Variants in INPP5D observed in about 807,000 individuals in gnomAD.
The protein encoded by INPP5D is inositol polyphosphate-5-phosphatase D.
In INPP5D, 33 loss-of-function variants were observed where a neutral mutation model predicts 122.9. The ratio of observed to expected loss-of-function variants is 0.27; its 90% confidence interval spans 0.20 to 0.36. INPP5D has a LOEUF of 0.36. Ranked by LOEUF, INPP5D falls within the 10% of genes least tolerant of loss-of-function variation. The pLI is 1.00. For synonymous variants in INPP5D, 584 were observed against 576.2 expected (o/e 1.01, Z -0.19); for missense variants, 1,053 against 1,412.7 (o/e 0.75, Z 4.08).
At chr2:233,171,638 A>G (rs890523381) in intron 17 of INPP5D, among the ~76,000 whole-genome samples, 5 of 152,226 alleles carry the variant, frequency 3.3e-5, no homozygotes, top group African/African-American at 1.2e-4. Context: ...TTTCCAAGGA[A>G]CAGTGTTTTG....
chr2:233,205,254 G>C (rs1695462303), intron 26 of INPP5D: 1 of 149,638 alleles, frequency 6.7e-6, no homozygotes, highest in African/African-American at 2.5e-5. Context: ...CTGAGGCAGG[G>C]GAATCGCTTG....
At chr2:233,070,742 G>C (rs763936595) in intron 1 of INPP5D, among the ~76,000 whole-genome samples, 15 of 151,898 alleles carry the variant, frequency 9.9e-5, no homozygotes, top group Non-Finnish European at 1.9e-4. Context: ...CGCCCGGCCA[G>C]GATCCAGCAG....
chr2:233,097,256 G>A (rs531103436), intron 2 of INPP5D, among the ~76,000 whole-genome samples: 3 of 152,164 alleles, frequency 2.0e-5, no homozygotes, highest in Admixed American at 1.3e-4. Context: ...TTTCTTGTGT[G>A]TTTCCTTATC....
rs556813229 is a variant in INPP5D at position 233,128,635 on chromosome 2, G to A, written c.525-1873G>A. The stretch of plus-strand genomic sequence containing the variant: ...TGGGACTACAAACGCACGCCACCAC[G>A]CCCAGCTAATTTTTGTATTTTTAGT... On this transcript the variant is annotated intron_variant, in intron 4 of 26. Transcript: ENST00000445964. This position sits in a 1 kb window ranked among gnomAD's most constrained non-coding sequence, Gnocchi z 4.5. 1.3e-5 allele frequency among the ~76,000 whole-genome samples: 2 copies of A among 152,098 alleles called. No homozygotes were observed. The highest frequency in any genetic ancestry group is 2.1e-4 in the South Asian group (1 of 4,814).
At chr2:233,144,016 AGAGTGGTAG>A (rs1693683267) in intron 6 of INPP5D, among the ~76,000 whole-genome samples, 1 of 94,622 alleles carries the variant, frequency 1.1e-5, no homozygotes, top group African/African-American at 4.6e-5. Context: ...GATTATGGTG[AGAGTGGTAG>A]GGGTGGAGAT....
chr2:233,129,597 G>T (rs985631100), intron 4 of INPP5D, among the ~76,000 whole-genome samples: 2 of 152,166 alleles, frequency 1.3e-5, no homozygotes, highest in Non-Finnish European at 2.9e-5. Flanking sequence ...GAAGGGGTTG[G>T]AGCAGATTCC....
At chr2:233,091,768 C>T (rs1408627413) in intron 2 of INPP5D, among the ~76,000 whole-genome samples, 1 of 152,156 alleles carries the variant, frequency 6.6e-6, no homozygotes, top group African/African-American at 2.4e-5. Flanking sequence ...GAGGCGGAGG[C>T]CGTTATTTTT....
At chr2:233,101,621 AT>A (rs199639605) in intron 2 of INPP5D, among the ~76,000 whole-genome samples, 6,240 of 145,510 alleles carry the variant, frequency 0.043, 174 homozygotes, top group East Asian at 0.16. Context: ...ATAATATATA[AT>A]TATATATTAT....
intron 2 of INPP5D, among the ~76,000 whole-genome samples, chr2:233,117,928 G>A (rs1692851148): frequency 6.6e-6 from 1 of 152,164 alleles, no homozygotes; most frequent in Admixed American, 6.5e-5. Context: ...ACTCTTGTCT[G>A]TCATCCTGAC....
intron 2 of INPP5D, among the ~76,000 whole-genome samples, chr2:233,108,102 G>T (rs76710478): frequency 0.013 from 1,924 of 152,108 alleles, 29 homozygotes; most frequent in African/African-American, 0.04. Flanking sequence ...GGAGGTAGAC[G>T]CCCCAAATGC....
At chr2:233,094,977 A>T (rs1013305080) in intron 2 of INPP5D, among the ~76,000 whole-genome samples, 7 of 152,236 alleles carry the variant, frequency 4.6e-5, no homozygotes, top group African/African-American at 1.7e-4. Context: ...CACCCACTGC[A>T]GCATTATTTC....
intron 22 of INPP5D, among the ~76,000 whole-genome samples, chr2:233,190,231 C>G (rs991098636): frequency 2.6e-5 from 4 of 152,230 alleles, no homozygotes; most frequent in Non-Finnish European, 5.9e-5. Flanking sequence ...CAAGACCTTA[C>G]TGTTCTCCAA....
At chr2:233,185,265 C>T (rs1182153496) in intron 20 of INPP5D, among the ~76,000 whole-genome samples, 3 of 122,758 alleles carry the variant, frequency 2.4e-5, no homozygotes, top group African/African-American at 9.4e-5. Context: ...CAGTTCTGCC[C>T]CTCTGGTCCC....
chr2:233,095,002 G>T (rs1023370956), intron 2 of INPP5D, among the ~76,000 whole-genome samples: 5 of 152,150 alleles, frequency 3.3e-5, no homozygotes, highest in African/African-American at 1.2e-4. Flanking sequence ...AGGGGTCAAA[G>T]AAGAATCCTA....
intron 23 of INPP5D, among the ~76,000 whole-genome samples, chr2:233,194,745 G>C (rs1424852710): frequency 6.6e-6 from 1 of 151,944 alleles, no homozygotes; most frequent in Admixed American, 6.6e-5. Flanking sequence ...TGATCCACCT[G>C]TCTCCGCCTC....
Position 233,079,383 on chromosome 2 carries a change from T to G in INPP5D, c.183T>G (p.Asp61Glu). 1 of 1,598,964 alleles carries G rather than the reference T, an allele frequency of 6.3e-7. No homozygotes were observed. The highest frequency in any genetic ancestry group is 1.3e-5 in the African/African-American group (1 of 74,734). Residue 61 changes from aspartate to glutamate, a missense_variant, in exon 2 of 27, where the codon GAT becomes GAG. By Grantham distance (45) the Asp-to-Glu change is conservative. Transcript: ENST00000445964. ...YTYRILPNED[D>E]KFTVQASEGV... is the part of the protein sequence containing the mutation. ...ACAGAATTCTGCCCAATGAAGATGA[T>G]AAATTCACTGTTCAGGTGAGTCCTT...
chr2:233,162,158 C>T (rs2106293802), intron 11 of INPP5D, among the ~76,000 whole-genome samples: 1 of 152,294 alleles, frequency 6.6e-6, no homozygotes, highest in Non-Finnish European at 1.5e-5. Context: ...CAGCCCTAGG[C>T]AGCTCACCAA....
At chr2:233,194,039 T>C in intron 23 of INPP5D, 78 bp downstream of exon 23, 1 of 1,466,990 alleles carries the variant, frequency 6.8e-7, no homozygotes, top group Non-Finnish European at 9.0e-7. Flanking sequence ...TCAGCAAAGC[T>C]GTCGAATATG....
intron 23 of INPP5D, among the ~76,000 whole-genome samples, chr2:233,194,401 G>A (rs1390087354): frequency 6.6e-6 from 1 of 151,402 alleles, no homozygotes; most frequent in Non-Finnish European, 1.5e-5. Flanking sequence ...GCCACATGGT[G>A]CCCACTCCCA....
Sources: gnomAD v4.1 joint callset for allele counts (sites outside exome capture counted in the v4.1 genomes callset) on GRCh38, gnomAD v4.1.1 for gene constraint, Gnocchi (gnomAD v3.1) non-coding constraint, MANE v1.5 for transcripts, NCBI Gene and HGNC (gene_info 2026-07-23, HGNC 2026-07-21) for gene names.